HDAC9: variants seen among roughly 807,000 people sequenced by gnomAD.
HDAC9 encodes histone deacetylase 9.
In HDAC9, 41 loss-of-function variants were observed where a neutral mutation model predicts 139.4. The observed-to-expected ratio is 0.29, with a 90% CI of 0.23 to 0.38. The LOEUF (loss-of-function observed/expected upper bound fraction) is 0.38. HDAC9 is among the 10% of genes least tolerant of loss of function. The pLI, the probability that HDAC9 is intolerant of heterozygous loss-of-function variation, is 1.00. For synonymous variants in HDAC9, 517 were observed against 476.2 expected (o/e 1.09, Z -1.12); for missense variants, 1,147 against 1,297.0 (o/e 0.88, Z 1.78).
intron 22 of HDAC9, among the ~76,000 whole-genome samples, chr7:18,922,463 C>T (rs1018768631): frequency 1.3e-4 from 20 of 151,970 alleles, no homozygotes; most frequent in African/African-American, 4.8e-4. Context: ...GACCTTCAAA[C>T]CTCAATGCAG....
chr7:18,859,844 A>ATGTGTGTGTGTGTGTGTG (rs1488141588), intron 21 of HDAC9, among the ~76,000 whole-genome samples: 34 of 123,168 alleles, frequency 2.8e-4, no homozygotes, highest in South Asian at 8.0e-4. Context: ...ATATATATAT[A>ATGTGTGTGTGTGTGTGTG]TATATATATA....
At chr7:18,970,443 TTTC>T (rs1563095237) in intron 24 of HDAC9, among the ~76,000 whole-genome samples, 1 of 152,198 alleles carries the variant, frequency 6.6e-6, no homozygotes, top group African/African-American at 2.4e-5. Context: ...ATAAAAATAA[TTTC>T]TTGGCCAACA....
intron 17 of HDAC9, among the ~76,000 whole-genome samples, chr7:18,794,536 G>T (rs1585049101): frequency 6.6e-6 from 1 of 152,144 alleles, no homozygotes; most frequent in African/African-American, 2.4e-5. Context: ...AAGTAGATGT[G>T]CCTGTATATA....
At chr7:18,173,044 A>C (rs996172920) in intron 2 of HDAC9, among the ~76,000 whole-genome samples, 5 of 152,186 alleles carry the variant, frequency 3.3e-5, no homozygotes, top group Admixed American at 2.6e-4. Flanking sequence ...TAATATTAAC[A>C]GTGGGGTGTT....
At chr7:18,772,822 C>A (rs2519739) in intron 16 of HDAC9, among the ~76,000 whole-genome samples, 20,512 of 151,976 alleles carry the variant, frequency 0.13, 2,058 homozygotes, top group African/African-American at 0.28. Context: ...GCTGCAAATT[C>A]TGTAAAAAGA....
chr7:18,714,549 C>A (rs995574680), intron 12 of HDAC9, among the ~76,000 whole-genome samples: 10 of 152,224 alleles, frequency 6.6e-5, no homozygotes, highest in African/African-American at 2.4e-4. Context: ...TGCTGACCTG[C>A]ACCTGCTCTG....
intron 22 of HDAC9, among the ~76,000 whole-genome samples, chr7:18,915,360 A>C (rs7796939): frequency 6.6e-6 from 1 of 151,694 alleles, no homozygotes; most frequent in Non-Finnish European, 1.5e-5. Context: ...TCCATTTACT[A>C]TATTGCTCTG....
At chr7:18,543,696 G>A (rs1191001438) in intron 2 of HDAC9, 2 of 151,874 alleles carry the variant, frequency 1.3e-5, no homozygotes, top group Admixed American at 6.6e-5. Flanking sequence ...CTGCTCTCGT[G>A]GGGCCTGCAT....
chr7:18,779,200 G>T (rs1424544884), intron 16 of HDAC9, among the ~76,000 whole-genome samples: 1 of 152,034 alleles, frequency 6.6e-6, no homozygotes, highest in African/African-American at 2.4e-5. Context: ...ACAAAAGAGA[G>T]AATGCATGTG....
rs538679392 is a variant in HDAC9, at chr7:18,752,100, A to C, written c.2043+2962A>C. ...ACAAAGATGCTAAACTTTCTATTTC[A>C]TGCCAAATTATTTTCGAATGCCGTG... On this transcript the variant is annotated intron_variant, in intron 14 of 25. Coordinates refer to ENST00000686413, the MANE Select transcript of HDAC9 (RefSeq NM_178425.4). 5.9e-5 allele frequency among the ~76,000 whole-genome samples: 9 copies of C among 152,284 alleles called. No individual in the cohort carries two copies. In the East Asian group the frequency reaches 1.3e-3, roughly 23 times the overall value.
chr7:18,557,897 C>A (rs1487647188), intron 2 of HDAC9, among the ~76,000 whole-genome samples: 1 of 151,878 alleles, frequency 6.6e-6, no homozygotes, highest in African/African-American at 2.4e-5. Flanking sequence ...AGTGAGCCTA[C>A]TACCTGCTGA....
At chr7:18,271,577 A>T (rs1356506216) in intron 2 of HDAC9, among the ~76,000 whole-genome samples, 2 of 152,186 alleles carry the variant, frequency 1.3e-5, no homozygotes, top group Non-Finnish European at 2.9e-5. Context: ...GAAATGCTGC[A>T]GTCTTCCATT....
intron 12 of HDAC9, among the ~76,000 whole-genome samples, chr7:18,724,363 T>C (rs570820080): frequency 7.2e-5 from 11 of 152,328 alleles, no homozygotes; most frequent in East Asian, 1.9e-4. Context: ...CATGTTACTA[T>C]ACTGAATACT....
At chr7:18,640,692 T>C (rs1469620094) in intron 8 of HDAC9, among the ~76,000 whole-genome samples, 1 of 152,032 alleles carries the variant, frequency 6.6e-6, no homozygotes, top group Non-Finnish European at 1.5e-5. Flanking sequence ...AATGGCACAA[T>C]GTTATCTGCA....
intron 2 of HDAC9, among the ~76,000 whole-genome samples, chr7:18,171,866 T>C (rs1049443834): frequency 6.6e-6 from 1 of 152,214 alleles, no homozygotes; most frequent in Non-Finnish European, 1.5e-5. Flanking sequence ...TGTTGAGGAC[T>C]TTTGCATCGA....
At chr7:18,690,524 T>G (rs1364292182) in intron 12 of HDAC9, among the ~76,000 whole-genome samples, 2 of 152,044 alleles carry the variant, frequency 1.3e-5, no homozygotes, top group African/African-American at 4.8e-5. Flanking sequence ...ACAATCTATG[T>G]CCCTGTTTCT....
intron 12 of HDAC9, among the ~76,000 whole-genome samples, chr7:18,685,895 T>G (rs1782235002): frequency 6.6e-6 from 1 of 151,976 alleles, no homozygotes; most frequent in South Asian, 2.1e-4. Context: ...TTGGTAGGAA[T>G]GTTAGATAAT....
chr7:18,941,157 TTC>T (rs1268523433), intron 23 of HDAC9, among the ~76,000 whole-genome samples: 71 of 111,014 alleles, frequency 6.4e-4, no homozygotes, highest in African/African-American at 2.0e-3. Context: ...TTTTTGTCTC[TTC>T]TTTTTTTTTT....
chr7:18,962,664 A>G (rs2129329547), intron 24 of HDAC9, among the ~76,000 whole-genome samples: 1 of 152,332 alleles, frequency 6.6e-6, no homozygotes, highest in African/African-American at 2.4e-5. Flanking sequence ...TTGTGATCAC[A>G]TACTCAGGTG....
Sources: gnomAD v4.1 joint callset for allele counts (sites outside exome capture counted in the v4.1 genomes callset) on GRCh38, gnomAD v4.1.1 for gene constraint, MANE v1.5 for transcripts, NCBI Gene and HGNC (gene_info 2026-07-23, HGNC 2026-07-21) for gene names.